Variants in CSNK1G1 observed in about 807,000 individuals in gnomAD.
The protein encoded by CSNK1G1 is casein kinase I isoform gamma-1.
Under a neutral mutation model 59.6 loss-of-function variants are expected in CSNK1G1, and 22 were observed. The ratio of observed to expected loss-of-function variants is 0.37; its 90% CI spans 0.26 to 0.53. The LOEUF (loss-of-function observed/expected upper bound fraction) is 0.53, where lower values mean the gene tolerates loss of function less well. CSNK1G1 is among the 20% of genes least tolerant of loss of function. CSNK1G1 has a pLI of 0.89. For missense variants in CSNK1G1, 384 were observed against 519.5 expected, an observed-to-expected ratio of 0.74 and a Z score of 2.54; for synonymous variants, 179 against 177.1, an observed-to-expected ratio of 1.01 and a Z score of -0.08.
chr15:64,289,165 G>C (rs1388103829), intron 2 of CSNK1G1, among the ~76,000 whole-genome samples: 5 of 148,560 alleles, frequency 3.4e-5, no homozygotes, highest in African/African-American at 1.2e-4. Context: ...GGGCGAACAA[G>C]TGAGACTCTG....
chr15:64,277,733 A>G (rs1307714438), intron 2 of CSNK1G1, among the ~76,000 whole-genome samples: 2 of 129,868 alleles, frequency 1.5e-5, no homozygotes, highest in African/African-American at 3.0e-5. Context: ...TTAATAATAT[A>G]TTAATATTGA....
intron 1 of CSNK1G1, among the ~76,000 whole-genome samples, chr15:64,318,646 T>C (rs1896399386): frequency 6.6e-6 from 1 of 150,746 alleles, no homozygotes; most frequent in Non-Finnish European, 1.5e-5. Flanking sequence ...AGTTTCGCCC[T>C]GTCACCCAGG....
chr15:64,301,645 T>A (rs1361300637), intron 1 of CSNK1G1, among the ~76,000 whole-genome samples: 1 of 152,162 alleles, frequency 6.6e-6, no homozygotes, highest in South Asian at 2.1e-4. Context: ...CCCAGCACTT[T>A]GGGAGGCCAA....
chr15:64,338,498 G>A (rs750890226), intron 1 of CSNK1G1, among the ~76,000 whole-genome samples: 3 of 151,828 alleles, frequency 2.0e-5, no homozygotes, highest in Non-Finnish European at 4.4e-5. Context: ...TCAGGAGTTC[G>A]AGACTAGCCT....
chr15:64,288,055 A>C (rs1305068521), intron 2 of CSNK1G1, among the ~76,000 whole-genome samples: 2 of 152,222 alleles, frequency 1.3e-5, no homozygotes, highest in African/African-American at 4.8e-5. Flanking sequence ...ACACAGAATT[A>C]CCTAATATCA....
chr15:64,315,146 G>A (rs969577802), intron 1 of CSNK1G1, among the ~76,000 whole-genome samples: 1 of 152,206 alleles, frequency 6.6e-6, no homozygotes, highest in African/African-American at 2.4e-5. Context: ...TGGTGCGGAT[G>A]AGAAGAAGAG....
intron 4 of CSNK1G1, among the ~76,000 whole-genome samples, chr15:64,220,276 G>A (rs1364679829): frequency 6.6e-6 from 1 of 151,344 alleles, no homozygotes; most frequent in Non-Finnish European, 1.5e-5. Flanking sequence ...TGTATTTTTA[G>A]TAAAGACGAA....
Position 64,351,435 on chromosome 15 carries a change from T to A in CSNK1G1, c.-225+4553A>T, listed in dbSNP as rs550226279. On this transcript the variant is annotated intron_variant, in intron 1 of 11. Coordinates refer to ENST00000303052, the MANE Select transcript of CSNK1G1 (RefSeq NM_022048.5). Reference sequence around the variant, plus strand: ...TAGATTTCCTGACAAGCAAATTCCATAACTGACAACTGCAAAGATCCTTGG... The same window carrying A: ...TAGATTTCCTGACAAGCAAATTCCAAAACTGACAACTGCAAAGATCCTTGG... Among the ~76,000 whole-genome samples, 9 of 152,330 alleles carry A rather than the reference T, an allele frequency of 5.9e-5. No individual in the cohort carries two copies. The South Asian group carries it at 1.9e-3, about 32-fold the overall frequency.
At chr15:64,192,339 G>C (rs2081983100) in intron 10 of CSNK1G1, among the ~76,000 whole-genome samples, 6 of 152,212 alleles carry the variant, frequency 3.9e-5, no homozygotes, top group Admixed American at 3.9e-4. Flanking sequence ...CTCCTTGGGG[G>C]AACGCTTTAA....
intron 1 of CSNK1G1, among the ~76,000 whole-genome samples, chr15:64,314,158 T>C (rs895173434): frequency 6.6e-6 from 1 of 152,018 alleles, no homozygotes; most frequent in African/African-American, 2.4e-5. Flanking sequence ...CAGGCTGGAG[T>C]GTAGTGCCTG....
chr15:64,213,251 C>T (rs2082271187), intron 6 of CSNK1G1, among the ~76,000 whole-genome samples: 1 of 152,080 alleles, frequency 6.6e-6, no homozygotes, highest in South Asian at 2.1e-4. Context: ...GTGGATAAGC[C>T]TAGGGCTCTG....
chr15:64,335,445 A>G (rs560443120), intron 1 of CSNK1G1, among the ~76,000 whole-genome samples: 1 of 152,168 alleles, frequency 6.6e-6, no homozygotes, highest in Non-Finnish European at 1.5e-5. Context: ...TAATAACTGC[A>G]CTTTGGTAAC....
Position 64,315,405 on chromosome 15 carries a change from G to A in CSNK1G1, c.-224-14682C>T, listed in dbSNP as rs573308717. The stretch of plus-strand genomic sequence containing the variant: ...TTATAGGTCACTGATAGTCCAATAA[G>A]AAGACATTTAAGAATGGTACTGACA... On this transcript the variant is annotated intron_variant, in intron 1 of 11. Transcript: ENST00000303052. Among the ~76,000 whole-genome samples, 5 of 152,276 alleles carry A rather than the reference G, an allele frequency of 3.3e-5. No individual in the cohort carries two copies. In the East Asian group the frequency reaches 7.7e-4, roughly 24 times the overall value.
intron 2 of CSNK1G1, among the ~76,000 whole-genome samples, chr15:64,293,359 G>A (rs1000603639): frequency 3.3e-5 from 5 of 152,164 alleles, no homozygotes; most frequent in African/African-American, 7.2e-5. Flanking sequence ...GTGTAAGTAT[G>A]TTTAACTTCA....
intron 1 of CSNK1G1, among the ~76,000 whole-genome samples, chr15:64,310,681 C>T (rs1284972875): frequency 6.6e-6 from 1 of 151,938 alleles, no homozygotes; most frequent in Non-Finnish European, 1.5e-5. Context: ...TGTGCTACTA[C>T]CTGGGTGACA....
At chr15:64,272,418 C>T (rs371850368) in intron 2 of CSNK1G1, among the ~76,000 whole-genome samples, 10 of 152,102 alleles carry the variant, frequency 6.6e-5, no homozygotes, top group East Asian at 5.8e-4. Context: ...GGGGTTTCAC[C>T]GTGTTAGCCA....
chr15:64,268,512 T>C (rs944576972), intron 2 of CSNK1G1, among the ~76,000 whole-genome samples: 7 of 152,216 alleles, frequency 4.6e-5, no homozygotes, highest in Admixed American at 4.6e-4. Context: ...ACCATCTGTG[T>C]AGAGTTTGCA....
At chr15:64,288,840 A>G (rs1894574085) in intron 2 of CSNK1G1, among the ~76,000 whole-genome samples, 1 of 152,044 alleles carries the variant, frequency 6.6e-6, no homozygotes, top group Non-Finnish European at 1.5e-5. Context: ...ATCTTTCTAT[A>G]AACTTCTGTT....
At position 64,219,346 on chromosome 15, in the gene CSNK1G1, GTCC is replaced by G. The variant is rs1197631927; in HGVS notation, c.293-2636_293-2634del. Among the ~76,000 whole-genome samples the G allele has an allele frequency of 2.6e-5, 4 of 152,118 alleles. 1 individual carries two copies. The highest frequency in any genetic ancestry group is 7.2e-5 in the African/African-American group (3 of 41,416). ...CAGTTTGGGGATCTTTTAAATTTAT[GTCC>G]TATATAAGGATTTAATGCCACTAAA... On this transcript the variant is annotated intron_variant, in intron 4 of 11. Coordinates refer to ENST00000303052, the MANE Select transcript of CSNK1G1 (RefSeq NM_022048.5).
Sources: gnomAD v4.1 joint callset for allele counts (sites outside exome capture counted in the v4.1 genomes callset) on GRCh38, gnomAD v4.1.1 for gene constraint, MANE v1.5 for transcripts, NCBI Gene and HGNC (gene_info 2026-07-23, HGNC 2026-07-21) for gene names.